Variants in CENPP observed in about 807,000 individuals in gnomAD.
The protein encoded by CENPP is centromere protein P.
A neutral mutation model predicts 35.6 loss-of-function variants in CENPP; 24 were observed. That is an observed-to-expected ratio of 0.67 (90% CI 0.49 to 0.95). The LOEUF is 0.95. Among genes scored for constraint, CENPP ranks in the 40% least tolerant of loss-of-function variants. The pLI, the probability that CENPP is intolerant of heterozygous loss-of-function variation, is 0.00. For synonymous variants in CENPP, 120 were observed against 125.5 expected (o/e 0.96, Z 0.29); for missense variants, 332 against 345.3 (o/e 0.96, Z 0.31).
chr9:92,410,975 T>C (rs923297218), intron 5 of CENPP, among the ~76,000 whole-genome samples: 5 of 152,012 alleles, frequency 3.3e-5, no homozygotes, highest in Admixed American at 1.3e-4. Flanking sequence ...TATATCAGAT[T>C]CCTTTTTTTT....
At chr9:92,391,799 C>T (rs771414977) in intron 5 of CENPP, among the ~76,000 whole-genome samples, 6 of 152,102 alleles carry the variant, frequency 3.9e-5, no homozygotes, top group Non-Finnish European at 7.4e-5. Flanking sequence ...AATTTTTTGC[C>T]ACTCTGAGCA....
intron 5 of CENPP, among the ~76,000 whole-genome samples, chr9:92,416,346 C>G (rs926041779): frequency 1.3e-5 from 2 of 151,802 alleles, no homozygotes; most frequent in African/African-American, 4.8e-5. Context: ...GTGATCCACC[C>G]CACCCGCCTT....
At chr9:92,511,301 A>G (rs1234563280) in intron 5 of CENPP, among the ~76,000 whole-genome samples, 1 of 151,626 alleles carries the variant, frequency 6.6e-6, no homozygotes, top group African/African-American at 2.4e-5. Flanking sequence ...AATTTTTTGT[A>G]TTTTTAGTAG....
At chr9:92,451,071 CTTTTGCTGTGCAGAAGCT>C (rs1844694655) in intron 5 of CENPP, among the ~76,000 whole-genome samples, 1 of 150,636 alleles carries the variant, frequency 6.6e-6, no homozygotes, top group East Asian at 1.9e-4. Flanking sequence ...ATGGTAGTTT[CTTTTGCTGTGCAGAAGCT>C]CTTTAGTTTA....
intron 3 of CENPP, chr9:92,339,590 C>T (rs990473459): frequency 1.3e-5 from 2 of 152,262 alleles, no homozygotes; most frequent in African/African-American, 4.8e-5. Flanking sequence ...TTGCCTAGGC[C>T]ATTTGAGCAG....
chr9:92,386,128 A>G, intron 5 of CENPP: 7 of 1,129,080 alleles, frequency 6.2e-6, no homozygotes, highest in Non-Finnish European at 9.4e-6. Flanking sequence ...TGAATAAGTG[A>G]GGTTCCCAAT....
At chr9:92,449,437 CAAAAAAAAAAAAAAAAAA>C (rs56218626) in intron 5 of CENPP, among the ~76,000 whole-genome samples, 47 of 54,956 alleles carry the variant, frequency 8.6e-4, no homozygotes, top group Admixed American at 1.9e-3. Context: ...ACTCTATCTC[CAAAAAAAAAAAAAAAAAA>C]AAAAAAAAAA....
chr9:92,601,888 C>A (rs777419992), intron 5 of CENPP, among the ~76,000 whole-genome samples: 188 of 152,338 alleles, frequency 1.2e-3, no homozygotes, highest in Middle Eastern at 3.4e-3. Context: ...GAAGTGGCTG[C>A]AAGTGGCTCA....
At chr9:92,505,490 T>C (rs1846945442) in intron 5 of CENPP, 2 of 1,499,302 alleles carry the variant, frequency 1.3e-6, no homozygotes, top group African/African-American at 2.8e-5. Flanking sequence ...GTACCATATT[T>C]CAAATATAAT....
chr9:92,499,874 A>G (rs1009220945), intron 5 of CENPP, among the ~76,000 whole-genome samples: 3 of 152,168 alleles, frequency 2.0e-5, no homozygotes, highest in Non-Finnish European at 4.4e-5. Flanking sequence ...TACTAACAAA[A>G]TATTCTGGAT....
At chr9:92,372,734 A>G (rs767617233) in intron 4 of CENPP, among the ~76,000 whole-genome samples, 9 of 151,854 alleles carry the variant, frequency 5.9e-5, no homozygotes, top group Non-Finnish European at 1.2e-4. Context: ...TTCTTCACAC[A>G]CTGAATATAT....
intron 5 of CENPP, among the ~76,000 whole-genome samples, chr9:92,459,182 A>T (rs1232909192): frequency 6.6e-6 from 1 of 151,522 alleles, no homozygotes; most frequent in South Asian, 2.1e-4. Context: ...TGGAATGTTT[A>T]AAAAAAAATA....
chr9:92,516,446 C>G (rs1176959662), intron 5 of CENPP, among the ~76,000 whole-genome samples: 1 of 152,102 alleles, frequency 6.6e-6, no homozygotes, highest in Non-Finnish European at 1.5e-5. Context: ...ATATAAACTA[C>G]TCCCAAAAAG....
chr9:92,390,145 A>T (rs1175130178), intron 5 of CENPP: 13 of 758,836 alleles, frequency 1.7e-5, no homozygotes, highest in Non-Finnish European at 2.5e-5. Flanking sequence ...CAGATCACTC[A>T]AGCATCTTTC....
intron 5 of CENPP, among the ~76,000 whole-genome samples, chr9:92,443,171 A>G (rs1172934349): frequency 1.3e-5 from 2 of 152,208 alleles, no homozygotes; most frequent in African/African-American, 4.8e-5. Flanking sequence ...CCAAAAGAAT[A>G]TACAAGCAAA....
chr9:92,607,381 G>A (rs1421391808), intron 5 of CENPP, among the ~76,000 whole-genome samples: 3 of 152,142 alleles, frequency 2.0e-5, no homozygotes, highest in Non-Finnish European at 4.4e-5. Context: ...ACAGAAAGTA[G>A]CCTGGTGGTT....
At chr9:92,404,770 G>T in intron 5 of CENPP, 2 of 566,516 alleles carry the variant, frequency 3.5e-6, no homozygotes, top group Non-Finnish European at 2.4e-6. Flanking sequence ...CAACTAATTT[G>T]ACTATAAACT....
At chr9:92,551,215 A>G (rs946924938) in intron 5 of CENPP, among the ~76,000 whole-genome samples, 1 of 152,226 alleles carries the variant, frequency 6.6e-6, no homozygotes, top group Non-Finnish European at 1.5e-5. Context: ...AGGAATTATC[A>G]TGAGTGGAAG....
At chr9:92,564,518 G>A (rs1849921037) in intron 5 of CENPP, among the ~76,000 whole-genome samples, 1 of 152,152 alleles carries the variant, frequency 6.6e-6, no homozygotes, top group Non-Finnish European at 1.5e-5. Flanking sequence ...TTGGATGTAG[G>A]GAAAAGGAAG....
Sources: allele counts gnomAD v4.1 joint callset (sites outside exome capture counted in the v4.1 genomes callset), GRCh38; gene constraint gnomAD v4.1.1; transcripts MANE v1.5; gene names NCBI Gene and HGNC (gene_info 2026-07-23, HGNC 2026-07-21).